Variants in MGAM observed in about 807,000 individuals in gnomAD.
The protein encoded by MGAM is maltase-glucoamylase.
A neutral mutation model predicts 358.8 loss-of-function variants in MGAM; 253 were observed. The ratio of observed to expected loss-of-function variants is 0.71; its 90% CI spans 0.64 to 0.78. MGAM has a LOEUF of 0.78. MGAM is among the 30% of genes least tolerant of loss of function. The pLI, the probability that MGAM is intolerant of heterozygous loss-of-function variation, is 0.00. For missense variants in MGAM, 3,080 were observed against 3,432.6 expected (o/e 0.90, Z 2.57); for synonymous variants, 1,105 against 1,227.1 (o/e 0.90, Z 2.08).
chr7:142,041,726 G>C (rs554175988), intron 21 of MGAM, among the ~76,000 whole-genome samples: 1 of 149,454 alleles, frequency 6.7e-6, no homozygotes, highest in South Asian at 2.1e-4. Flanking sequence ...TTGGGCTTTT[G>C]CACTTATCCT....
At chr7:141,993,812 T>C (rs1804045042), upstream of MGAM, among the ~76,000 whole-genome samples, 1 of 152,228 alleles carries the variant, frequency 6.6e-6, no homozygotes, top group African/African-American at 2.4e-5. Context: ...TTTACGCTTA[T>C]CATGTTTTTG....
intron 16 of MGAM, 92 bp from the exon 17 acceptor site, chr7:142,036,077 A>C: frequency 1.1e-6 from 1 of 947,616 alleles, no homozygotes; most frequent in Non-Finnish European, 1.6e-6. Context: ...TAGGAGGTTT[A>C]AGCAAGGTTC....
chr7:142,065,507 A>T (rs1310134416), intron 38 of MGAM, 39 bp downstream of exon 38: 4 of 1,613,902 alleles, frequency 2.5e-6, no homozygotes, highest in Non-Finnish European at 3.4e-6. Context: ...CCGACAGGGC[A>T]GGGAGTTGGG....
intron 63 of MGAM, among the ~76,000 whole-genome samples, chr7:142,095,241 C>T (rs1815788327): frequency 6.6e-6 from 1 of 152,156 alleles, no homozygotes; most frequent in Non-Finnish European, 1.5e-5. Context: ...GCCACTGCAC[C>T]CTTATAAATT....
chr7:142,042,773 A>G (rs1278869574), intron 21 of MGAM, among the ~76,000 whole-genome samples: 1 of 79,162 alleles, frequency 1.3e-5, no homozygotes, highest in Non-Finnish European at 2.2e-5. Flanking sequence ...ATATATACAT[A>G]TATCTAAATA....
At chr7:142,091,064 T>C (rs373205531) in intron 57 of MGAM, among the ~76,000 whole-genome samples, 2 of 145,196 alleles carry the variant, frequency 1.4e-5, no homozygotes, top group South Asian at 2.2e-4. Context: ...CTGAACAACA[T>C]GAGGAAACTA....
chr7:142,041,506 C>A (rs958419633), intron 21 of MGAM, among the ~76,000 whole-genome samples: 3 of 151,986 alleles, frequency 2.0e-5, no homozygotes, highest in Non-Finnish European at 2.9e-5. Context: ...CACACTGATA[C>A]CAAATTAATT....
intron 3 of MGAM, among the ~76,000 whole-genome samples, chr7:142,015,052 G>A (rs190294260): frequency 6.6e-6 from 1 of 152,046 alleles, no homozygotes; most frequent in East Asian, 1.9e-4. Context: ...GTCATTTTCT[G>A]TATCTTCTTT....
chr7:142,052,225 A>C, intron 24 of MGAM, 69 bp from the exon 25 acceptor site: 1 of 1,372,364 alleles, frequency 7.3e-7, no homozygotes, highest in Non-Finnish European at 9.8e-7. Flanking sequence ...TTATCGAAAA[A>C]AAAACCTCAG....
chr7:142,095,998 G>A (rs1815872492), intron 64 of MGAM: 1 of 603,726 alleles, frequency 1.7e-6, no homozygotes, highest in African/African-American at 1.8e-5. Context: ...TAGCAGTTTG[G>A]TTATATGTAG....
rs931067137 is a variant in MGAM, at chr7:141,990,301, T to C, written c.-2-15228T>C. On this transcript the variant is annotated intron_variant, in intron 2 of 5. Transcript: ENST00000465654. ...CATTATTTCATTCCCTCCTCATATC[T>C]ACACAACTTCACTCCAAAGAACATG... Among the ~76,000 whole-genome samples the C allele has an allele frequency of 2.6e-5, 4 of 152,224 alleles. No homozygotes were observed. In the South Asian group the frequency reaches 8.3e-4, roughly 32 times the overall value.
At chr7:142,055,830 CTT>C (rs1192979735) in intron 28 of MGAM, 104 bp downstream of exon 28, 3 of 1,552,492 alleles carry the variant, frequency 1.9e-6, no homozygotes, top group African/African-American at 2.7e-5. Context: ...TCACATTCTG[CTT>C]TTAGGCAAGT....
At chr7:141,991,564 G>T (rs1409799876), upstream of MGAM, among the ~76,000 whole-genome samples, 1 of 151,894 alleles carries the variant, frequency 6.6e-6, no homozygotes, top group Non-Finnish European at 1.5e-5. Context: ...AGCCTCCTGA[G>T]TAGCTGGGAT....
chr7:142,011,080 C>T lies in MGAM; in HGVS notation c.327+2375C>T, dbSNP rs115281359. ...GGCAGGTTACGTGCTTAAAGATAAA[C>T]CCGCATGCCCTAAGTAAATGTTGCA... On this transcript the variant is annotated intron_variant, in intron 3 of 70. Coordinates refer to ENST00000475668, the MANE Select transcript of MGAM (RefSeq NM_001365693.1). 4.7e-3 allele frequency among the ~76,000 whole-genome samples: 711 copies of T among 152,218 alleles called. 8 individuals carry two copies. Among genetic ancestry groups the T allele is most frequent in the African/African-American group, 0.016 (665 of 41,542 alleles).
At chr7:142,061,118 A>T (rs1812152642) in intron 34 of MGAM, among the ~76,000 whole-genome samples, 1 of 152,174 alleles carries the variant, frequency 6.6e-6, no homozygotes, top group South Asian at 2.1e-4. Context: ...TTGAATATGG[A>T]CAGGCAAAGC....
rs1806461229 is a variant in MGAM, at chr7:142,021,577, T to C, written c.559-9T>C. The C allele has an allele frequency of 6.2e-7, 1 of 1,613,446 alleles. No homozygotes were observed. Among genetic ancestry groups the C allele is most frequent in the Non-Finnish European group, 8.5e-7 (1 of 1,179,594 alleles). On this transcript the variant is annotated splice_polypyrimidine_tract_variant and intron_variant, in intron 5 of 70. Transcript: ENST00000475668. ...TTTTGGCTTTCCTTCTATTTCTATC[T>C]CTGCACAGTTGACTGACCAAACCAA... is the stretch of plus-strand genomic sequence containing the variant.
At chr7:142,052,476 G>A (rs779577444) in intron 25 of MGAM, 30 bp downstream of exon 25, 1 of 1,611,024 alleles carries the variant, frequency 6.2e-7, no homozygotes, top group Non-Finnish European at 8.5e-7. Context: ...TTGTGTGCAT[G>A]AGAATCTCCA....
chr7:142,078,600 G>C, intron 48 of MGAM, 130 bp downstream of exon 48: 1 of 1,130,132 alleles, frequency 8.8e-7, no homozygotes, highest in South Asian at 1.7e-5. Context: ...ACATGATCTG[G>C]ATGTGACAAG....
chr7:142,092,029 G>A lies in MGAM; in HGVS notation c.6927G>A (p.Lys2309=). 1 of 1,537,728 alleles carries A rather than the reference G, an allele frequency of 6.5e-7. No individual in the cohort carries two copies. ...CACAGAATCCAGAGAGGAGCTTGAA[G>A]TTTGATGGCATGTGGATTGTAAGTG... The part of the protein sequence containing the change: ...NNPQNPERSL[K]FDGMWIDMNE... The change falls in exon 58 of 71, where the codon AAG becomes AAA. Residue 2309 remains lysine, a synonymous_variant. Transcript: ENST00000475668.
Sources: gnomAD v4.1 joint callset for allele counts (sites outside exome capture counted in the v4.1 genomes callset) on GRCh38, gnomAD v4.1.1 for gene constraint, MANE v1.5 for transcripts, NCBI Gene and HGNC (gene_info 2026-07-23, HGNC 2026-07-21) for gene names.